GRIP1: variants seen among roughly 807,000 people sequenced by gnomAD.
GRIP1 encodes the protein glutamate receptor interacting protein 1.
Under a neutral mutation model 129.9 loss-of-function variants are expected in GRIP1, and 45 were observed. The ratio of observed to expected loss-of-function variants is 0.35; its 90% CI spans 0.27 to 0.44. The LOEUF is 0.44. Among genes scored for constraint, GRIP1 ranks in the 20% least tolerant of loss-of-function variants. The probability of loss-of-function intolerance (pLI) is 1.00; values close to 1 mark genes in which losing one functional copy is unlikely to be tolerated. For missense variants in GRIP1, 1,196 were observed against 1,396.8 expected, an observed-to-expected ratio of 0.86 and a Z score of 2.29; for synonymous variants, 530 against 520.8, an observed-to-expected ratio of 1.02 and a Z score of -0.24.
intron 19 of GRIP1, among the ~76,000 whole-genome samples, chr12:66,391,611 G>A (rs989203420): frequency 3.3e-5 from 5 of 152,158 alleles, no homozygotes; most frequent in Admixed American, 6.5e-5. Flanking sequence ...TAGCACTTTG[G>A]GAGGCCAAGA....
intron 1 of GRIP1, among the ~76,000 whole-genome samples, chr12:66,842,920 G>C (rs2039747216): frequency 6.6e-6 from 1 of 152,240 alleles, no homozygotes; most frequent in Non-Finnish European, 1.5e-5. Flanking sequence ...AAAAGGTATA[G>C]TCTGTAGGAC....
chr12:66,723,575 A>G (rs1321142116), intron 1 of GRIP1, among the ~76,000 whole-genome samples: 1 of 151,904 alleles, frequency 6.6e-6, no homozygotes, highest in South Asian at 2.1e-4. Flanking sequence ...GGCCTCCCAG[A>G]GTGCTAGGAT....
At chr12:66,632,584 G>A (rs535430182) in intron 1 of GRIP1, among the ~76,000 whole-genome samples, 2 of 152,114 alleles carry the variant, frequency 1.3e-5, no homozygotes, top group South Asian at 2.1e-4. Context: ...TTTCCTTATC[G>A]ATTTGTATAG....
chr12:66,816,928 TAAC>T (rs1242994002), intron 1 of GRIP1, among the ~76,000 whole-genome samples: 5 of 152,146 alleles, frequency 3.3e-5, no homozygotes, highest in Non-Finnish European at 5.9e-5. Context: ...GTGGGGTTTA[TAAC>T]ATTTTAACCT....
chr12:66,996,339 GAACT>G (rs1181159799), intron 1 of GRIP1, among the ~76,000 whole-genome samples: 1 of 150,588 alleles, frequency 6.6e-6, no homozygotes, highest in Non-Finnish European at 1.5e-5. Context: ...TTAAAAATGC[GAACT>G]AACAATTTGA....
intron 1 of GRIP1, among the ~76,000 whole-genome samples, chr12:66,913,204 T>G (rs2041061753): frequency 6.6e-6 from 1 of 152,202 alleles, no homozygotes; most frequent in South Asian, 2.1e-4. Context: ...ATGTATTTCT[T>G]TACTCCAAAA....
intron 1 of GRIP1, among the ~76,000 whole-genome samples, chr12:66,973,263 C>CA (rs35110194): frequency 0.41 from 61,649 of 150,674 alleles, 13,543 homozygotes; most frequent in Non-Finnish European, 0.48. Flanking sequence ...TTAATACAAA[C>CA]AAAAAAAACC....
intron 7 of GRIP1, among the ~76,000 whole-genome samples, chr12:66,486,521 T>C (rs1346401947): frequency 6.6e-6 from 1 of 152,130 alleles, no homozygotes; most frequent in Non-Finnish European, 1.5e-5. Context: ...ACTATTCTCA[T>C]GGTAATGAAT....
chr12:66,470,809 C>T lies in GRIP1; in HGVS notation c.725-5387G>A, dbSNP rs182415028. Reference sequence around the variant, plus strand: ...ATAGGGAAACTACAAGGGATGATACCGTACTCTGGGGGCAGAAATAATAGG... The same window carrying T: ...ATAGGGAAACTACAAGGGATGATACTGTACTCTGGGGGCAGAAATAATAGG... On this transcript the variant is annotated intron_variant, in intron 7 of 24. Transcript: ENST00000359742. Among the ~76,000 whole-genome samples the T allele has an allele frequency of 6.6e-5, 10 of 152,238 alleles. No individual in the cohort carries two copies. The East Asian group carries it at 1.5e-3, about 24-fold the overall frequency.
rs535237575 is a variant in GRIP1, at chr12:66,528,071, A to T, written c.502+1760T>A. Among the ~76,000 whole-genome samples, 3 of 152,124 alleles carry T rather than the reference A, an allele frequency of 2.0e-5. No homozygotes were observed. The South Asian group carries it at 6.2e-4, about 32-fold the overall frequency. On this transcript the variant is annotated intron_variant, in intron 5 of 24. Transcript: ENST00000359742. ...AGTTGTTAATGTAGGCACAGTCTTT[A>T]AGGAATAAAATTACTAATGAGAAAA...
At chr12:66,684,726 T>C (rs575076605) in intron 1 of GRIP1, among the ~76,000 whole-genome samples, 4 of 152,130 alleles carry the variant, frequency 2.6e-5, no homozygotes, top group African/African-American at 7.2e-5. Flanking sequence ...ACACCTGTAA[T>C]CCCAGCTACT....
intron 1 of GRIP1, among the ~76,000 whole-genome samples, chr12:66,825,619 T>C (rs550532857): frequency 2.0e-5 from 3 of 152,298 alleles, no homozygotes; most frequent in South Asian, 2.1e-4. Context: ...CCTTCATCCC[T>C]AGCTGCTTCC....
intron 1 of GRIP1, among the ~76,000 whole-genome samples, chr12:66,945,863 T>C (rs898884489): frequency 2.6e-5 from 4 of 152,348 alleles, no homozygotes; most frequent in Non-Finnish European, 5.9e-5. Flanking sequence ...CTCAACATTT[T>C]AGCAAACGTT....
chr12:66,815,920 G>C (rs563243087), intron 1 of GRIP1, among the ~76,000 whole-genome samples: 1 of 151,468 alleles, frequency 6.6e-6, no homozygotes, highest in South Asian at 2.1e-4. Flanking sequence ...TGGTGGGAGA[G>C]AGGAGGTTGA....
chr12:66,527,756 G>A (rs998688976), intron 5 of GRIP1, among the ~76,000 whole-genome samples: 2 of 152,050 alleles, frequency 1.3e-5, no homozygotes, highest in Admixed American at 1.3e-4. Context: ...GCTAAGCATT[G>A]AGTACACATG....
At chr12:66,652,920 G>T (rs1172725056) in intron 1 of GRIP1, among the ~76,000 whole-genome samples, 2 of 152,224 alleles carry the variant, frequency 1.3e-5, no homozygotes, top group Non-Finnish European at 2.9e-5. Flanking sequence ...TCCCTAGCTT[G>T]TTTGATCTGT....
At chr12:66,520,090 T>A (rs1253252615) in intron 5 of GRIP1, among the ~76,000 whole-genome samples, 1 of 152,194 alleles carries the variant, frequency 6.6e-6, no homozygotes, top group Non-Finnish European at 1.5e-5. Flanking sequence ...ATGTTGCAAG[T>A]TCCATTCTAT....
intron 1 of GRIP1, among the ~76,000 whole-genome samples, chr12:66,636,394 G>A (rs1490417652): frequency 1.3e-5 from 2 of 152,140 alleles, no homozygotes; most frequent in Non-Finnish European, 2.9e-5. Flanking sequence ...CTTAAATATG[G>A]TTAAAATTGT....
Position 66,706,988 on chromosome 12 carries a change from T to A in GRIP1, c.-419-76652A>T, listed in dbSNP as rs958875575. 2.2e-4 allele frequency among the ~76,000 whole-genome samples: 33 copies of A among 147,804 alleles called. No homozygotes were observed. In the South Asian group the frequency reaches 3.5e-3, roughly 16 times the overall value. On this transcript the variant is annotated intron_variant, in intron 1 of 4. Transcript: ENST00000538373. Reference sequence around the variant, plus strand: ...CTGCCCATGTATCCCTTTTTTTTTTTAAGAAGAAATAAAGGAATAAAAAGA... The same window carrying A: ...CTGCCCATGTATCCCTTTTTTTTTTAAAGAAGAAATAAAGGAATAAAAAGA...
Sources: allele counts gnomAD v4.1 joint callset (sites outside exome capture counted in the v4.1 genomes callset), GRCh38; gene constraint gnomAD v4.1.1; transcripts MANE v1.5; gene names NCBI Gene and HGNC (gene_info 2026-07-23, HGNC 2026-07-21).